Variants in PCDH11X observed in about 807,000 individuals in gnomAD.
PCDH11X encodes the protein protocadherin 11 X-linked, also known as protocadherin-11 X-linked.
In PCDH11X, 18 loss-of-function variants were observed where a neutral mutation model predicts 53.3. The observed-to-expected ratio is 0.34, with a 90% confidence interval of 0.23 to 0.50. The LOEUF is 0.50. PCDH11X is among the 20% of genes least tolerant of loss of function. The pLI is 0.98. For synonymous variants in PCDH11X, 279 were observed against 393.3 expected (o/e 0.71, Z 3.44); for missense variants, 570 against 1,032.4 (o/e 0.55, Z 6.14).
At chrX:92,299,613 A>G (rs1213344484) in intron 8 of PCDH11X, among the ~76,000 whole-genome samples, 1 of 111,538 alleles carries the variant, frequency 9.0e-6, no homozygotes, top group Non-Finnish European at 1.9e-5. Context: ...ACATGTTCAT[A>G]ATAGTCTCTG....
chrX:92,587,977 G>A lies in PCDH11X; in HGVS notation c.3368-30287G>A, dbSNP rs185325003. ...TATTCACAGAGTAGTTTGCTACTGT[G>A]TGAGAGGCTAATATATTTCTCTAGG... On this transcript the variant is annotated intron_variant, in intron 10 of 10. Transcript: ENST00000682573. Among the ~76,000 whole-genome samples, 133 of 108,659 alleles carry A rather than the reference G, an allele frequency of 1.2e-3. No homozygotes were observed. In the Middle Eastern group the frequency reaches 0.019, roughly 15 times the overall value. 94.4% of individuals were successfully genotyped at this position (108,659 alleles called of 115,157 possible).
intron 6 of PCDH11X, among the ~76,000 whole-genome samples, chrX:91,917,238 C>T (rs1300937134): frequency 9.3e-6 from 1 of 107,643 alleles, no homozygotes; most frequent in Non-Finnish European, 1.9e-5. Flanking sequence ...AGAATTCCCC[C>T]TGAGAACTGG....
At chrX:92,111,522 G>A (rs1346125915) in intron 6 of PCDH11X, among the ~76,000 whole-genome samples, 1 of 108,810 alleles carries the variant, frequency 9.2e-6, no homozygotes, top group Non-Finnish European at 1.9e-5. Flanking sequence ...TTTTAAGGTA[G>A]AATGTAAGAA....
rs1484008484 is a variant in PCDH11X, at chrX:92,139,277, T to TTTC, written c.3034-62096_3034-62095insCTT. Among the ~76,000 whole-genome samples the TTTC allele has an allele frequency of 3.8e-4, 36 of 94,358 alleles. 1 individual carries two copies. Among genetic ancestry groups the TTTC allele is most frequent in the African/African-American group, 1.4e-3 (34 of 23,867 alleles). The allele number at this position is 94,358 out of a possible 115,157, so 81.9% of individuals were successfully genotyped here. ...TTCTTTCTTTCTTTCTTTCTTTTTT[T>TTTC]TTTTTTTTTTTTGTTGAGATGGAGT... is the stretch of plus-strand genomic sequence containing the variant. On this transcript the variant is annotated intron_variant, in intron 6 of 10. Transcript: ENST00000682573.
rs1215395693 is a variant in PCDH11X at position 92,578,450 on chromosome X, C to G, written c.3368-39814C>G. Reference sequence around the variant, plus strand: ...ATAATTTGTTTTATGAATCTGGGTGCTCTTGGATAACTAGCTCTTCTTGTT... The same window carrying G: ...ATAATTTGTTTTATGAATCTGGGTGGTCTTGGATAACTAGCTCTTCTTGTT... On this transcript the variant is annotated intron_variant, in intron 10 of 10. Coordinates refer to ENST00000682573, the MANE Select transcript of PCDH11X (RefSeq NM_032968.5). Among the ~76,000 whole-genome samples the G allele has an allele frequency of 3.6e-5, 4 of 110,234 alleles. No homozygotes were observed. The East Asian group carries it at 1.1e-3, about 31-fold the overall frequency.
chrX:92,389,366 G>T (rs1052410762), intron 9 of PCDH11X, among the ~76,000 whole-genome samples: 3 of 111,359 alleles, frequency 2.7e-5, no homozygotes, highest in Non-Finnish European at 5.7e-5. Flanking sequence ...ATTAAGCAAG[G>T]GTGCCACTGA....
chrX:92,103,662 T>A (rs2148141429), intron 6 of PCDH11X, among the ~76,000 whole-genome samples: 1 of 112,016 alleles, frequency 8.9e-6, no homozygotes, highest in East Asian at 2.8e-4. Context: ...GCTGCGGGCG[T>A]TCCTTGGCCC....
chrX:92,235,238 T>A (rs1453490152), intron 7 of PCDH11X, among the ~76,000 whole-genome samples: 2 of 111,251 alleles, frequency 1.8e-5, no homozygotes, highest in African/African-American at 6.5e-5. Flanking sequence ...TTGGTTGTAT[T>A]CTTAGATTTT....
intron 6 of PCDH11X, among the ~76,000 whole-genome samples, chrX:91,971,732 C>T (rs777741698): frequency 8.9e-6 from 1 of 111,795 alleles, no homozygotes; most frequent in East Asian, 2.8e-4. Flanking sequence ...AATATTTCCT[C>T]CAGTAGCTGA....
intron 6 of PCDH11X, among the ~76,000 whole-genome samples, chrX:91,888,978 C>G (rs890246491): frequency 8.9e-6 from 1 of 111,990 alleles, no homozygotes; most frequent in African/African-American, 3.2e-5. Flanking sequence ...TCATAAACAA[C>G]TGTTACGTTA....
intron 8 of PCDH11X, among the ~76,000 whole-genome samples, chrX:92,288,304 TTTAGGAAGAAATG>T (rs1466686424): frequency 9.0e-6 from 1 of 110,939 alleles, no homozygotes; most frequent in Non-Finnish European, 1.9e-5. Flanking sequence ...TATACTACCT[TTTAGGAAGAAATG>T]TTCTACTATT....
chrX:92,523,484 T>A (rs1458799079), intron 10 of PCDH11X, among the ~76,000 whole-genome samples: 3 of 112,109 alleles, frequency 2.7e-5, no homozygotes, highest in Non-Finnish European at 5.6e-5. Context: ...GAAGAAAACA[T>A]GTTGAATGAC....
At chrX:92,300,382 T>A (rs990555029) in intron 8 of PCDH11X, among the ~76,000 whole-genome samples, 1 of 111,680 alleles carries the variant, frequency 9.0e-6, no homozygotes, top group African/African-American at 3.3e-5. Context: ...AGAGTGCTTG[T>A]GCTGTTTCTT....
intron 9 of PCDH11X, chrX:92,460,696 G>A: frequency 1.0e-6 from 1 of 988,719 alleles, no homozygotes; most frequent in Non-Finnish European, 1.4e-6. Flanking sequence ...TGCACCTGGA[G>A]TCAGAGCTGG....
intron 10 of PCDH11X, among the ~76,000 whole-genome samples, chrX:92,522,826 C>T (rs36107942): frequency 8.9e-5 from 10 of 112,134 alleles, no homozygotes; most frequent in African/African-American, 1.9e-4. Flanking sequence ...AACTTTCCTA[C>T]GATCAAAAAT....
chrX:92,302,663 T>G (rs960964509), intron 8 of PCDH11X, among the ~76,000 whole-genome samples: 1 of 109,229 alleles, frequency 9.2e-6, no homozygotes, highest in African/African-American at 3.3e-5. Flanking sequence ...ACTGGGAAAT[T>G]TTAAAATTAT....
chrX:92,092,574 C>A (rs1253205789), intron 6 of PCDH11X, among the ~76,000 whole-genome samples: 1 of 111,108 alleles, frequency 9.0e-6, no homozygotes, highest in Non-Finnish European at 1.9e-5. Flanking sequence ...GAAGCAAAAG[C>A]AGGATGACTC....
intron 9 of PCDH11X, among the ~76,000 whole-genome samples, chrX:92,452,467 A>G (rs775383654): frequency 0.011 from 252 of 21,974 alleles, 3 homozygotes; most frequent in African/African-American, 0.069. Flanking sequence ...GTGTGTGTAT[A>G]TATATATATA....
At chrX:92,221,957 C>T (rs1272089203) in intron 7 of PCDH11X, among the ~76,000 whole-genome samples, 2 of 110,660 alleles carry the variant, frequency 1.8e-5, no homozygotes, top group African/African-American at 6.6e-5. Context: ...CCTCAGCCTC[C>T]TGAGCAGCTG....
Sources: allele counts gnomAD v4.1 joint callset (sites outside exome capture counted in the v4.1 genomes callset), GRCh38; gene constraint gnomAD v4.1.1; transcripts MANE v1.5; gene names NCBI Gene and HGNC (gene_info 2026-07-23, HGNC 2026-07-21).